WDR7: variants seen among roughly 807,000 people sequenced by gnomAD.
WDR7 encodes the protein WD repeat domain 7, also known as WD repeat-containing protein 7.
A neutral mutation model predicts 169.4 loss-of-function variants in WDR7; 46 were observed. The ratio of observed to expected loss-of-function variants is 0.27; its 90% CI spans 0.21 to 0.35. WDR7 has a LOEUF of 0.35. Among genes scored for constraint, WDR7 ranks in the 10% least tolerant of loss-of-function variants. WDR7 has a pLI of 1.00. For missense variants in WDR7, 1,534 were observed against 1,859.3 expected (o/e 0.83, Z 3.22); for synonymous variants, 612 against 666.8 (o/e 0.92, Z 1.27).
chr18:56,907,280 A>G (rs2046491407), intron 21 of WDR7, among the ~76,000 whole-genome samples: 3 of 151,798 alleles, frequency 2.0e-5, no homozygotes, highest in South Asian at 4.2e-4. Flanking sequence ...TGCTTCCTCA[A>G]TGCCAGAGAG....
At chr18:56,907,887 A>G (rs1036199766) in intron 21 of WDR7, among the ~76,000 whole-genome samples, 1 of 152,180 alleles carries the variant, frequency 6.6e-6, no homozygotes, top group African/African-American at 2.4e-5. Flanking sequence ...ACATTTCAAC[A>G]TATGATTTTG....
Position 56,769,346 on chromosome 18 carries a change from A to C in WDR7, c.2849-7436A>C, listed in dbSNP as rs78383629. Among the ~76,000 whole-genome samples the C allele has an allele frequency of 1.9e-3, 283 of 152,182 alleles. 5 individuals are homozygous for C. The East Asian group carries it at 0.048, about 26-fold the overall frequency. On this transcript the variant is annotated intron_variant, in intron 16 of 27. Coordinates refer to ENST00000254442, the MANE Select transcript of WDR7 (RefSeq NM_015285.3). ...TCTTGAATAGTTGGGACTATAGTCA[A>C]AGGCCACCATGCCCAGTTAATTTTA...
chr18:56,945,754 A>G (rs2047094368), intron 25 of WDR7, among the ~76,000 whole-genome samples: 1 of 152,154 alleles, frequency 6.6e-6, no homozygotes. Context: ...GAAGCCTGGC[A>G]ATTTCATAGC....
At chr18:56,675,342 GA>G (rs2025221377) in intron 2 of WDR7, among the ~76,000 whole-genome samples, 1 of 151,902 alleles carries the variant, frequency 6.6e-6, no homozygotes, top group Non-Finnish European at 1.5e-5. Context: ...TCTGACCCAT[GA>G]ACATTGAATG....
chr18:56,814,704 C>T (rs969085312), intron 19 of WDR7, among the ~76,000 whole-genome samples: 4 of 151,674 alleles, frequency 2.6e-5, no homozygotes, highest in Non-Finnish European at 4.4e-5. Context: ...TTATTACCTG[C>T]GTAATGAAAT....
At chr18:56,955,001 G>A (rs1316892275) in intron 25 of WDR7, among the ~76,000 whole-genome samples, 1 of 152,044 alleles carries the variant, frequency 6.6e-6, no homozygotes, top group Admixed American at 6.6e-5. Flanking sequence ...TTAAAATCTA[G>A]TAAGGAAATG....
intron 1 of WDR7, among the ~76,000 whole-genome samples, chr18:56,656,277 C>G (rs1406308147): frequency 1.3e-5 from 2 of 148,570 alleles, no homozygotes; most frequent in East Asian, 2.0e-4. Context: ...GATACTGTCA[C>G]TGTTTTTTTT....
intron 20 of WDR7, among the ~76,000 whole-genome samples, chr18:56,820,339 CAA>C (rs386387798): frequency 0.038 from 1,601 of 42,482 alleles, 20 homozygotes; most frequent in East Asian, 0.069. Flanking sequence ...CTGACATTGT[CAA>C]AAAAAAAAAA....
chr18:56,829,920 T>C (rs2045279148), intron 20 of WDR7, among the ~76,000 whole-genome samples: 1 of 152,152 alleles, frequency 6.6e-6, no homozygotes, highest in Non-Finnish European at 1.5e-5. Context: ...AGTTTAAAGA[T>C]AGATAAGTCT....
chr18:56,966,398 G>A (rs1446859017), intron 26 of WDR7, among the ~76,000 whole-genome samples: 1 of 151,972 alleles, frequency 6.6e-6, no homozygotes, highest in Non-Finnish European at 1.5e-5. Flanking sequence ...TATTCAACAT[G>A]AAGTTGAGGA....
At chr18:56,703,305 A>G (rs920661336) in intron 12 of WDR7, among the ~76,000 whole-genome samples, 3 of 152,250 alleles carry the variant, frequency 2.0e-5, no homozygotes, top group Admixed American at 1.3e-4. Context: ...CAAATTAGAT[A>G]TTCTTTTTAA....
At position 56,928,806 on chromosome 18, in the gene WDR7, AG is replaced by A. The variant is rs569422784; in HGVS notation, c.3713+4699del. ...GATAGAGAGATGCTGCCTCTTGTCC[AG>A]AGTAACATTGTAGTTACTGAAAAAA... On this transcript the variant is annotated intron_variant, in intron 22 of 27. Coordinates refer to ENST00000254442, the MANE Select transcript of WDR7 (RefSeq NM_015285.3). 5.9e-5 allele frequency among the ~76,000 whole-genome samples: 9 copies of A among 152,338 alleles called. No individual in the cohort carries two copies. In the South Asian group the frequency reaches 1.9e-3, roughly 32 times the overall value.
chr18:56,837,039 A>T (rs2045407353), intron 20 of WDR7, among the ~76,000 whole-genome samples: 2 of 152,240 alleles, frequency 1.3e-5, no homozygotes, highest in African/African-American at 4.8e-5. Context: ...ATGAGCTGAC[A>T]TCTGTTTGAA....
At chr18:56,915,627 G>C (rs1020790818) in intron 21 of WDR7, among the ~76,000 whole-genome samples, 1 of 152,210 alleles carries the variant, frequency 6.6e-6, no homozygotes, top group East Asian at 1.9e-4. Context: ...ACTAGCCTAG[G>C]GGGGACCAAA....
intron 18 of WDR7, among the ~76,000 whole-genome samples, chr18:56,780,219 T>A (rs775785645): frequency 6.6e-6 from 1 of 152,340 alleles, no homozygotes; most frequent in African/African-American, 2.4e-5. Flanking sequence ...ATATTAGATA[T>A]TACTTGGAAT....
chr18:56,706,987 T>TG (rs2025970980), intron 12 of WDR7, among the ~76,000 whole-genome samples: 1 of 39,044 alleles, frequency 2.6e-5, no homozygotes, highest in South Asian at 2.8e-3. Context: ...GCCAAATTTT[T>TG]ATTTTTTTTT....
At chr18:57,007,076 T>C (rs2048070760) in intron 26 of WDR7, among the ~76,000 whole-genome samples, 1 of 151,428 alleles carries the variant, frequency 6.6e-6, no homozygotes, top group African/African-American at 2.4e-5. Flanking sequence ...ACCTCCCGGG[T>C]TCACGCCATT....
chr18:56,871,869 T>G (rs923194444), intron 20 of WDR7, among the ~76,000 whole-genome samples: 3 of 152,084 alleles, frequency 2.0e-5, no homozygotes, highest in Non-Finnish European at 2.9e-5. Flanking sequence ...TCTGACTGAA[T>G]TCAACCGCAT....
chr18:56,793,458 A>G (rs538004131), intron 19 of WDR7, among the ~76,000 whole-genome samples: 10 of 152,370 alleles, frequency 6.6e-5, no homozygotes, highest in African/African-American at 2.4e-4. Flanking sequence ...CATAGTAAGC[A>G]CACTAAAGCT....
Sources: gnomAD v4.1 joint callset for allele counts (sites outside exome capture counted in the v4.1 genomes callset) on GRCh38, gnomAD v4.1.1 for gene constraint, MANE v1.5 for transcripts, NCBI Gene and HGNC (gene_info 2026-07-23, HGNC 2026-07-21) for gene names.